MGAT5: variants seen among roughly 807,000 people sequenced by gnomAD.
MGAT5 encodes the protein alpha-1,6-mannosylglycoprotein 6-beta-N-acetylglucosaminyltransferase, also known as alpha-1,6-mannosylglycoprotein 6-beta-N-acetylglucosaminyltransferase A.
MGAT5 carries 30 observed loss-of-function variants against 94.3 expected under a neutral mutation model. The observed-to-expected ratio is 0.32, with a 90% CI of 0.24 to 0.43. The LOEUF is 0.43. Ranked by LOEUF, MGAT5 falls within the 20% of genes least tolerant of loss-of-function variation. MGAT5 has a pLI of 1.00. For synonymous variants in MGAT5, 310 were observed against 322.9 expected (o/e 0.96, Z 0.43); for missense variants, 691 against 905.5 (o/e 0.76, Z 3.04).
At chr2:134,345,753 C>G (rs1688883757) in intron 8 of MGAT5, among the ~76,000 whole-genome samples, 1 of 152,174 alleles carries the variant, frequency 6.6e-6, no homozygotes, top group Non-Finnish European at 1.5e-5. Context: ...TGATGCTACT[C>G]TGTGTCCGAC....
chr2:134,289,039 C>T (rs1313033366), intron 2 of MGAT5, among the ~76,000 whole-genome samples: 1 of 148,434 alleles, frequency 6.7e-6, no homozygotes, highest in Non-Finnish European at 1.5e-5. Flanking sequence ...TTTGGGTGCC[C>T]TTCATCTCCC....
At chr2:134,338,946 G>A (rs1279194937) in intron 6 of MGAT5, among the ~76,000 whole-genome samples, 2 of 152,056 alleles carry the variant, frequency 1.3e-5, no homozygotes, top group African/African-American at 4.8e-5. Flanking sequence ...ATACCCCTGG[G>A]CTTAGAAGAC....
chr2:134,359,133 G>A (rs1325190241), intron 9 of MGAT5, among the ~76,000 whole-genome samples: 1 of 152,172 alleles, frequency 6.6e-6, no homozygotes, highest in Admixed American at 6.5e-5. Flanking sequence ...GAAAAAATCT[G>A]TGTGGTCCCA....
intron 2 of MGAT5, among the ~76,000 whole-genome samples, chr2:134,315,712 G>T (rs1434895877): frequency 6.6e-6 from 1 of 152,224 alleles, no homozygotes; most frequent in African/African-American, 2.4e-5. Flanking sequence ...AGTAAGAGCT[G>T]GATGAAATAG....
intron 1 of MGAT5, among the ~76,000 whole-genome samples, chr2:134,197,081 G>A (rs1453321644): frequency 6.6e-6 from 1 of 152,198 alleles, no homozygotes; most frequent in African/African-American, 2.4e-5. Context: ...GCCAGGTACT[G>A]GGATGTATGT....
chr2:134,219,659 C>G (rs1680660047), intron 1 of MGAT5, among the ~76,000 whole-genome samples: 1 of 152,194 alleles, frequency 6.6e-6, no homozygotes, highest in Non-Finnish European at 1.5e-5. Context: ...CACCACTTAA[C>G]CATCACTACT....
intron 12 of MGAT5, among the ~76,000 whole-genome samples, chr2:134,414,075 G>T (rs1255941079): frequency 6.6e-6 from 1 of 151,688 alleles, no homozygotes; most frequent in African/African-American, 2.4e-5. Context: ...AGTTCAATAA[G>T]ATCTATGTTT....
chr2:134,131,430 T>C (rs1446676466), intron 1 of MGAT5, among the ~76,000 whole-genome samples: 1 of 152,220 alleles, frequency 6.6e-6, no homozygotes, highest in East Asian at 1.9e-4. Context: ...AGTATTCTTT[T>C]CACTCTGCTT....
chr2:134,187,002 TATCCAAGGTGAA>T (rs1414094726), intron 1 of MGAT5, among the ~76,000 whole-genome samples: 1 of 152,090 alleles, frequency 6.6e-6, no homozygotes, highest in African/African-American at 2.4e-5. Flanking sequence ...GCCAAGGCAG[TATCCAAGGTGAA>T]GAAAGTTCCG....
rs529783748 is a variant in MGAT5, at chr2:134,172,136, C to A, written c.-143+51845C>A. The stretch of plus-strand genomic sequence containing the variant: ...TCAGTACAAATTTATTGAGCTTGAC[C>A]ATGGCCACTTAATTCTTATGTAGAA... On this transcript the variant is annotated intron_variant, in intron 1 of 16. Transcript: ENST00000409645. Among the ~76,000 whole-genome samples, 11 of 152,224 alleles carry A rather than the reference C, an allele frequency of 7.2e-5. No homozygotes were observed. The South Asian group carries it at 2.3e-3, about 32-fold the overall frequency.
At chr2:134,366,791 G>T (rs1680459644) in intron 10 of MGAT5, among the ~76,000 whole-genome samples, 1 of 152,146 alleles carries the variant, frequency 6.6e-6, no homozygotes, top group Admixed American at 6.5e-5. Flanking sequence ...AGGATAGGTG[G>T]GATTTGTACA....
chr2:134,384,924 A>T (rs1337303343), intron 10 of MGAT5, among the ~76,000 whole-genome samples: 1 of 152,168 alleles, frequency 6.6e-6, no homozygotes, highest in Non-Finnish European at 1.5e-5. Flanking sequence ...GTTTGAGGCT[A>T]CTTTTAGTTT....
chr2:134,243,936 A>G (rs1272058092), intron 1 of MGAT5, among the ~76,000 whole-genome samples: 3 of 152,106 alleles, frequency 2.0e-5, no homozygotes, highest in Non-Finnish European at 4.4e-5. Flanking sequence ...CATTACCCAT[A>G]TTTTTGAAAT....
chr2:134,149,793 G>A (rs1427088979), intron 1 of MGAT5, among the ~76,000 whole-genome samples: 5 of 152,196 alleles, frequency 3.3e-5, no homozygotes, highest in African/African-American at 7.2e-5. Context: ...ACTAACAGCA[G>A]TGGAAAAGCC....
At chr2:134,439,211 C>G (rs1381077041) in intron 14 of MGAT5, among the ~76,000 whole-genome samples, 1 of 152,142 alleles carries the variant, frequency 6.6e-6, no homozygotes, top group South Asian at 2.1e-4. Context: ...AAGCAATAAC[C>G]CTAAGAAATC....
chr2:134,264,645 T>TTTA (rs1391877030), intron 1 of MGAT5, among the ~76,000 whole-genome samples: 3 of 152,264 alleles, frequency 2.0e-5, no homozygotes, highest in African/African-American at 7.2e-5. Flanking sequence ...GTAACTCTAT[T>TTTA]ATCTTTCTGT....
At position 134,306,680 on chromosome 2, in the gene MGAT5, A is replaced by G. The variant is rs551712596; in HGVS notation, c.407-10849A>G. ...GAGGCTATAAATGAGTGCCAGGTAC[A>G]GTACCTGGAGCCAGGGTGACTCAGA... is the stretch of plus-strand genomic sequence containing the variant. On this transcript the variant is annotated intron_variant, in intron 2 of 15. Transcript: ENST00000281923. Among the ~76,000 whole-genome samples the G allele has an allele frequency of 1.1e-3, 172 of 152,266 alleles. 2 individuals are homozygous for G. The highest frequency in any genetic ancestry group is 3.9e-3 in the African/African-American group (163 of 41,558).
intron 10 of MGAT5, among the ~76,000 whole-genome samples, chr2:134,373,831 G>T (rs181110619): frequency 1.3e-5 from 2 of 152,330 alleles, no homozygotes; most frequent in East Asian, 3.9e-4. Flanking sequence ...AGCCTTCTCA[G>T]CTGGGGAAGG....
At chr2:134,136,101 A>G (rs1415822107) in intron 1 of MGAT5, among the ~76,000 whole-genome samples, 1 of 152,202 alleles carries the variant, frequency 6.6e-6, no homozygotes, top group Admixed American at 6.5e-5. Flanking sequence ...TGACTTTGTC[A>G]CCAATAGAAA....
Sources: gnomAD v4.1 joint callset for allele counts (sites outside exome capture counted in the v4.1 genomes callset) on GRCh38, gnomAD v4.1.1 for gene constraint, MANE v1.5 for transcripts, NCBI Gene and HGNC (gene_info 2026-07-23, HGNC 2026-07-21) for gene names.